PCDH17: variants seen among roughly 807,000 people sequenced by gnomAD.
The protein encoded by PCDH17 is protocadherin-17.
PCDH17 carries 21 observed loss-of-function variants against 67.7 expected under a neutral mutation model. That is an observed-to-expected ratio of 0.31 (90% CI 0.22 to 0.45). The LOEUF is 0.45. Among genes scored for constraint, PCDH17 ranks in the 20% least tolerant of loss-of-function variants. PCDH17 has a pLI of 1.00. For synonymous variants in PCDH17, 701 were observed against 656.7 expected (o/e 1.07, Z -1.03); for missense variants, 1,471 against 1,564.8 (o/e 0.94, Z 1.01).
intron 1 of PCDH17, among the ~76,000 whole-genome samples, chr13:57,636,330 G>A (rs1456076787): frequency 6.6e-6 from 1 of 152,118 alleles, no homozygotes; most frequent in Non-Finnish European, 1.5e-5. Context: ...GAAATAATTT[G>A]TTCATAATGT....
At chr13:57,681,270 G>C (rs1955447845) in intron 3 of PCDH17, among the ~76,000 whole-genome samples, 1 of 151,770 alleles carries the variant, frequency 6.6e-6, no homozygotes, top group Non-Finnish European at 1.5e-5. Flanking sequence ...TTGCAGAACA[G>C]TTGTATCAAT....
intron 3 of PCDH17, among the ~76,000 whole-genome samples, chr13:57,684,870 C>G (rs1471881458): frequency 6.6e-6 from 1 of 151,852 alleles, no homozygotes; most frequent in South Asian, 2.1e-4. Context: ...TGTATTAGTG[C>G]CATCAATGTT....
chr13:57,633,605 C>G lies in PCDH17; in HGVS notation c.1059C>G (p.Phe353Leu), dbSNP rs147550277. The G allele has an allele frequency of 6.2e-7, 1 of 1,612,240 alleles. No individual in the cohort carries two copies. The highest frequency in any genetic ancestry group is 8.5e-7 in the Non-Finnish European group (1 of 1,180,034). ...ACGACAATGCGCCGTCCATCGGTTT[C>G]GTCTCCGTGCGCCAGGGGGCGCTGA... ...DRNDNAPSIG[F>L]VSVRQGALSE... is the part of the protein sequence containing the mutation. Residue 353 changes from phenylalanine (F) to leucine (L), a missense_variant, in exon 1 of 4, where the codon TTC becomes TTG. By Grantham distance (22) the Phe-to-Leu change is conservative. Coordinates refer to ENST00000377918, the MANE Select transcript of PCDH17 (RefSeq NM_001040429.3). This position sits in a 1 kb window ranked among gnomAD's most constrained non-coding sequence, Gnocchi z 6.2.
In PCDH17 at chr13:57,633,784, A is replaced by G. The variant is rs543983210; in HGVS notation, c.1238A>G (p.Lys413Arg). 2 of 1,604,602 alleles carry G rather than the reference A, an allele frequency of 1.2e-6. No individual in the cohort carries two copies. The highest frequency in any genetic ancestry group is 4.5e-5 in the East Asian group (2 of 44,682). The change falls in exon 1 of 4, where the codon AAG becomes AGG. Residue 413 changes from lysine (K) to arginine (R), a missense_variant. Lys to Arg is a conservative substitution (Grantham distance 26, BLOSUM62 2). Around this residue, in one of 3 missense-constraint regions of PCDH17, gnomAD observed 1,163 missense variants for 1,230.0 expected, o/e 0.95. Coordinates refer to ENST00000377918, the MANE Select transcript of PCDH17 (RefSeq NM_001040429.3). The surrounding 1 kb of genome is among the most constrained non-coding windows in gnomAD (Gnocchi z 6.2). ...LGGPGGSVPFKLEENYDNFYT... is the reference protein window; with the variant it reads ...LGGPGGSVPFRLEENYDNFYT... ...GGGCCCGGGGGTTCCGTCCCCTTCA[A>G]GCTTGAGGAGAACTACGACAACTTC...
At chr13:57,714,885 A>T (rs1955805156) in intron 3 of PCDH17, among the ~76,000 whole-genome samples, 1 of 151,768 alleles carries the variant, frequency 6.6e-6, no homozygotes, top group Admixed American at 6.6e-5. Context: ...CGTAGCAGAG[A>T]AGAAAGAAAC....
chr13:57,634,723 T>G lies in PCDH17; in HGVS notation c.2177T>G (p.Ile726Ser). The G allele has an allele frequency of 6.2e-7, 1 of 1,613,792 alleles. No homozygotes were observed. The highest frequency in any genetic ancestry group is 1.7e-4 in the Middle Eastern group (1 of 6,060). ...ATCCTCCTAGCGGCCATGATCACCATCGCCGTCAAGTGCAAGCGCGAGAAC... is the reference window on the plus strand; with the variant it reads ...ATCCTCCTAGCGGCCATGATCACCAGCGCCGTCAAGTGCAAGCGCGAGAAC... ...SIILLAAMIT[I>S]AVKCKRENKE... is the part of the protein sequence containing the mutation. Residue 726 changes from isoleucine to serine, a missense_variant, in exon 1 of 4, where the codon ATC becomes AGC. This residue lies in a region of PCDH17 where 1,163 missense variants were observed against 1,230.0 expected (regional missense o/e 0.95). Coordinates refer to ENST00000377918, the MANE Select transcript of PCDH17 (RefSeq NM_001040429.3). This position sits in a 1 kb window ranked among gnomAD's most constrained non-coding sequence, Gnocchi z 7.8.
At chr13:57,683,259 T>C (rs964746869) in intron 3 of PCDH17, among the ~76,000 whole-genome samples, 1 of 151,852 alleles carries the variant, frequency 6.6e-6, no homozygotes, top group South Asian at 2.1e-4. Flanking sequence ...AAACCCTTGA[T>C]AGAATGATCA....
At chr13:57,652,959 C>G (rs1382868875) in intron 1 of PCDH17, among the ~76,000 whole-genome samples, 1 of 152,092 alleles carries the variant, frequency 6.6e-6, no homozygotes, top group Non-Finnish European at 1.5e-5. Flanking sequence ...GGCTTCTACA[C>G]GTTAAACATT....
intron 3 of PCDH17, among the ~76,000 whole-genome samples, chr13:57,679,229 C>A (rs1955424337): frequency 6.6e-6 from 1 of 150,614 alleles, no homozygotes; most frequent in Non-Finnish European, 1.5e-5. Context: ...AAATTCTTGA[C>A]AAGTTATATT....
chr13:57,720,568 A>C (rs2138101455), intron 3 of PCDH17, among the ~76,000 whole-genome samples: 1 of 152,108 alleles, frequency 6.6e-6, no homozygotes, highest in Non-Finnish European at 1.5e-5. Flanking sequence ...ATGAATATAG[A>C]ACTTCCTGTG....
At chr13:57,723,851 C>T (rs1458854000) in intron 3 of PCDH17, among the ~76,000 whole-genome samples, 1 of 152,046 alleles carries the variant, frequency 6.6e-6, no homozygotes, top group Non-Finnish European at 1.5e-5. Flanking sequence ...AGTAAAAATT[C>T]CCACAGAAAG....
intron 1 of PCDH17, among the ~76,000 whole-genome samples, chr13:57,657,385 A>T (rs529748305): frequency 6.6e-6 from 1 of 152,336 alleles, no homozygotes; most frequent in South Asian, 2.1e-4. Context: ...AAAATGTATT[A>T]TTTTGAAAAC....
chr13:57,681,229 C>T (rs1955447262), intron 3 of PCDH17, among the ~76,000 whole-genome samples: 1 of 151,696 alleles, frequency 6.6e-6, no homozygotes, highest in Non-Finnish European at 1.5e-5. Flanking sequence ...TACTTATTTA[C>T]AATCTTAGAT....
intron 3 of PCDH17, among the ~76,000 whole-genome samples, chr13:57,707,834 A>G (rs888518499): frequency 3.9e-5 from 6 of 151,978 alleles, no homozygotes; most frequent in Admixed American, 3.9e-4. Flanking sequence ...TGTTCTCCCT[A>G]TGTGACTGTC....
chr13:57,633,027 G>T lies in PCDH17; in HGVS notation c.481G>T (p.Ala161Ser), dbSNP rs1371339955. ...CCTCACCAGCGCACATGACCCCGAC[G>T]CCGGCGAGAATGGGCTCCGCACCTA... ...FPLTSAHDPD[A>S]GENGLRTYLL... The change falls in exon 1 of 4, where the codon GCC becomes TCC. Residue 161 changes from alanine (A) to serine (S), a missense_variant. Physicochemically the swap from Ala to Ser is moderately conservative, Grantham distance 99 (BLOSUM62 1). Transcript: ENST00000377918. The surrounding 1 kb of genome is among the most constrained non-coding windows in gnomAD (Gnocchi z 6.2). 4 of 1,612,644 alleles carry T rather than the reference G, an allele frequency of 2.5e-6. No homozygotes were observed. The highest frequency in any genetic ancestry group is 3.4e-6 in the Non-Finnish European group (4 of 1,179,932).
chr13:57,681,531 G>A (rs1003658212), intron 3 of PCDH17, among the ~76,000 whole-genome samples: 1 of 151,634 alleles, frequency 6.6e-6, no homozygotes, highest in Non-Finnish European at 1.5e-5. Flanking sequence ...CCTTTACCCA[G>A]AATAATCTCT....
At chr13:57,720,717 A>G (rs895898488) in intron 3 of PCDH17, among the ~76,000 whole-genome samples, 2 of 152,016 alleles carry the variant, frequency 1.3e-5, no homozygotes, top group African/African-American at 4.8e-5. Context: ...CACAAACATA[A>G]AAATAAAGGT....
At chr13:57,713,685 A>G (rs1955795598) in intron 3 of PCDH17, among the ~76,000 whole-genome samples, 1 of 151,588 alleles carries the variant, frequency 6.6e-6, no homozygotes, top group African/African-American at 2.4e-5. Flanking sequence ...ATTTGTATGT[A>G]TTTATTCAAG....
chr13:57,647,597 T>C (rs143684961), intron 1 of PCDH17, among the ~76,000 whole-genome samples: 310 of 151,924 alleles, frequency 2.0e-3, no homozygotes, highest in African/African-American at 6.6e-3. Flanking sequence ...TGGATTGGAT[T>C]GAGCAGTATT....
Sources: allele counts gnomAD v4.1 joint callset (sites outside exome capture counted in the v4.1 genomes callset), GRCh38; gene constraint gnomAD v4.1.1; regional missense constraint gnomAD v4.1.1; non-coding constraint Gnocchi (gnomAD v3.1); transcripts MANE v1.5; gene names NCBI Gene and HGNC (gene_info 2026-07-23, HGNC 2026-07-21).